Variants in SAMD12 observed in about 807,000 individuals in gnomAD.
SAMD12 encodes the protein sterile alpha motif domain containing 12.
A neutral mutation model predicts 15.0 loss-of-function variants in SAMD12; 9 were observed. That is an observed-to-expected ratio of 0.60 (90% CI 0.36 to 1.05). The LOEUF is 1.05. Among genes scored for constraint, SAMD12 ranks in the 50% least tolerant of loss-of-function variants. The pLI is 0.01. For missense variants in SAMD12, 230 were observed against 234.2 expected (o/e 0.98, Z 0.12); for synonymous variants, 86 against 90.1 (o/e 0.96, Z 0.25).
At chr8:118,594,339 C>G (rs576812823) in intron 1 of SAMD12, among the ~76,000 whole-genome samples, 1 of 151,792 alleles carries the variant, frequency 6.6e-6, no homozygotes, top group South Asian at 2.1e-4. Flanking sequence ...GGTGTTAACC[C>G]CATTTTATGA....
chr8:118,449,062 CT>C (rs10717740), intron 2 of SAMD12, among the ~76,000 whole-genome samples: 79,357 of 126,616 alleles, frequency 0.63, 24,066 homozygotes, highest in Middle Eastern at 0.71. Flanking sequence ...CACAGGCAGT[CT>C]TTTTTTTTTT....
chr8:118,437,551 A>G (rs1010121231), intron 3 of SAMD12, among the ~76,000 whole-genome samples: 3 of 152,160 alleles, frequency 2.0e-5, no homozygotes, highest in Non-Finnish European at 4.4e-5. Context: ...TTTAATTTTC[A>G]CGACATCTCT....
At chr8:118,309,837 G>A (rs1420438905) in intron 4 of SAMD12, among the ~76,000 whole-genome samples, 3 of 152,120 alleles carry the variant, frequency 2.0e-5, no homozygotes, top group Non-Finnish European at 4.4e-5. Flanking sequence ...CACAATTTAT[G>A]CTCATGCTTA....
At chr8:118,424,467 A>G (rs1292581436) in intron 3 of SAMD12, among the ~76,000 whole-genome samples, 2 of 152,176 alleles carry the variant, frequency 1.3e-5, no homozygotes, top group African/African-American at 2.4e-5. Context: ...AATGAATGGA[A>G]TGTATTCTAT....
chr8:118,374,433 T>C (rs2130692759), downstream of SAMD12, among the ~76,000 whole-genome samples: 1 of 152,256 alleles, frequency 6.6e-6, no homozygotes, highest in Non-Finnish European at 1.5e-5. Flanking sequence ...TGAATAATGC[T>C]GCACTGAACA....
At chr8:118,580,940 A>G (rs1304845276) in intron 1 of SAMD12, 47 bp from the exon 2 acceptor site, 1 of 1,468,842 alleles carries the variant, frequency 6.8e-7, no homozygotes, top group Non-Finnish European at 9.3e-7. Context: ...CCACATAAAG[A>G]AGGTGTCCAT....
intron 2 of SAMD12, among the ~76,000 whole-genome samples, chr8:118,501,946 G>A (rs531591841): frequency 5.3e-5 from 8 of 151,922 alleles, no homozygotes; most frequent in South Asian, 2.1e-4. Flanking sequence ...GAACCCGTTG[G>A]GGGGCGGAGC....
In SAMD12 at chr8:118,484,309, C is replaced by T. The variant is rs1056155128; in HGVS notation, c.193-44348G>A. Among the ~76,000 whole-genome samples, 4 of 151,996 alleles carry T rather than the reference C, an allele frequency of 2.6e-5. No homozygotes were observed. The South Asian group carries it at 8.3e-4, about 32-fold the overall frequency. On this transcript the variant is annotated intron_variant, in intron 2 of 3. Transcript: ENST00000314727. ...TTTGTAGTTCAAAATATCACTGTGC[C>T]CATGGTTTCAGTTATGTAGGATGAG...
chr8:118,459,917 C>G (rs1406260692), intron 2 of SAMD12, among the ~76,000 whole-genome samples: 1 of 152,166 alleles, frequency 6.6e-6, no homozygotes, highest in African/African-American at 2.4e-5. Flanking sequence ...GAGCCAACAA[C>G]CCAGTGGTGA....
exon 5 of SAMD12, chr8:118,195,090 T>C (rs967656221): frequency 1.3e-5 from 2 of 152,238 alleles, no homozygotes; most frequent in African/African-American, 4.8e-5. Flanking sequence ...CATCTTTCAA[T>C]AATTTCACAG....
the SAMD12 span, among the ~76,000 whole-genome samples, chr8:118,162,034 C>A: frequency 6.6e-6 from 1 of 151,356 alleles, no homozygotes; most frequent in South Asian, 2.1e-4. Flanking sequence ...GTGGCGCATG[C>A]CTGTAGTCCC....
rs75817546 is a variant in SAMD12 at position 118,519,404 on chromosome 8, G to A, written c.192+61311C>T. 1.8e-3 allele frequency among the ~76,000 whole-genome samples: 278 copies of A among 152,294 alleles called. 1 individual carries two copies. The highest frequency in any genetic ancestry group is 0.011 in the South Asian group (51 of 4,826). Reference sequence around the variant, plus strand: ...CCCTAAATAATAAAAGCTTAAGAGTGAGCCTAAGTTATACCAGAATTTCAA... The same window carrying A: ...CCCTAAATAATAAAAGCTTAAGAGTAAGCCTAAGTTATACCAGAATTTCAA... On this transcript the variant is annotated intron_variant, in intron 2 of 3. Coordinates refer to ENST00000314727, the MANE Select transcript of SAMD12 (RefSeq NM_207506.3).
intron 3 of SAMD12, among the ~76,000 whole-genome samples, chr8:118,433,963 C>T (rs1404274319): frequency 1.3e-5 from 2 of 152,194 alleles, no homozygotes; most frequent in Non-Finnish European, 2.9e-5. Flanking sequence ...GTTAGCTACA[C>T]ACCCCATTGG....
chr8:118,365,868 A>T (rs1398693079), intron 4 of SAMD12, among the ~76,000 whole-genome samples: 2 of 152,100 alleles, frequency 1.3e-5, no homozygotes, highest in Non-Finnish European at 2.9e-5. Flanking sequence ...AGCTTCCTGA[A>T]GGAGATTTTC....
chr8:118,346,541 G>C (rs187904483), intron 4 of SAMD12, among the ~76,000 whole-genome samples: 1 of 152,272 alleles, frequency 6.6e-6, no homozygotes, highest in East Asian at 1.9e-4. Flanking sequence ...AGCTCCTCAG[G>C]GCTGCATGCT....
At chr8:118,474,860 G>A (rs1444535624) in intron 2 of SAMD12, among the ~76,000 whole-genome samples, 3 of 152,126 alleles carry the variant, frequency 2.0e-5, no homozygotes, top group Non-Finnish European at 4.4e-5. Flanking sequence ...GGTCATGGGT[G>A]GATTCCTCAT....
At chr8:118,232,892 G>T (rs1277729895) in intron 4 of SAMD12, among the ~76,000 whole-genome samples, 1 of 152,126 alleles carries the variant, frequency 6.6e-6, no homozygotes, top group Non-Finnish European at 1.5e-5. Flanking sequence ...TAACAGAAAT[G>T]AACGGTACCA....
At chr8:118,139,354 T>A in the SAMD12 span, among the ~76,000 whole-genome samples, 1 of 152,226 alleles carries the variant, frequency 6.6e-6, no homozygotes, top group Non-Finnish European at 1.5e-5. Flanking sequence ...TATTCTTTAT[T>A]TGTTTAGTTT....
chr8:118,206,182 A>C (rs1008116901), intron 4 of SAMD12, among the ~76,000 whole-genome samples: 1 of 152,334 alleles, frequency 6.6e-6, no homozygotes, highest in East Asian at 1.9e-4. Context: ...CAGAATGTCC[A>C]GGGGAGGACT....
Sources: allele counts gnomAD v4.1 joint callset (sites outside exome capture counted in the v4.1 genomes callset), GRCh38; gene constraint gnomAD v4.1.1; transcripts MANE v1.5; gene names NCBI Gene and HGNC (gene_info 2026-07-23, HGNC 2026-07-21).